The following HCK variants were observed in gnomAD, a reference collection of about 807,000 sequenced individuals.
HCK encodes tyrosine-protein kinase HCK.
In HCK, 40 loss-of-function variants were observed where a neutral mutation model predicts 70.4. That is an observed-to-expected ratio of 0.57 (90% CI 0.44 to 0.74). HCK has a LOEUF of 0.74. HCK is among the 30% of genes least tolerant of loss of function. HCK has a pLI of 0.00. For missense variants in HCK, 568 were observed against 697.2 expected (o/e 0.81, Z 2.09); for synonymous variants, 245 against 263.2 (o/e 0.93, Z 0.67).
intron 1 of HCK, among the ~76,000 whole-genome samples, chr20:32,064,194 G>A (rs2045423333): frequency 6.6e-6 from 1 of 151,694 alleles, no homozygotes; most frequent in African/African-American, 2.4e-5. Flanking sequence ...TAATAGAGAT[G>A]GGGTTTCACC....
At chr20:32,100,937 C>T (rs6089177) in intron 12 of HCK, among the ~76,000 whole-genome samples, 4,068 of 152,320 alleles carry the variant, frequency 0.027, 107 homozygotes, top group Admixed American at 0.079. Context: ...AACTCAGCAG[C>T]TGTCAGGACT....
Position 32,060,486 on chromosome 20 carries a change from G to A in HCK, c.62+8000G>A, listed in dbSNP as rs149203169. Among the ~76,000 whole-genome samples the A allele has an allele frequency of 7.2e-5, 11 of 152,230 alleles. No homozygotes were observed. The East Asian group carries it at 1.5e-3, about 21-fold the overall frequency. ...TCCGCCTGCTGACCTCAGGTGATCC[G>A]CCTGCCTCAGCTTCCCAAAGTGCTG... is the stretch of plus-strand genomic sequence containing the variant. On this transcript the variant is annotated intron_variant, in intron 1 of 12. Transcript: ENST00000375852.
At chr20:32,093,511 G>T (rs1284952794) in intron 10 of HCK, among the ~76,000 whole-genome samples, 1 of 151,902 alleles carries the variant, frequency 6.6e-6, no homozygotes. Flanking sequence ...GTGTGTGTGT[G>T]TGTGTGTGTG....
intron 9 of HCK, among the ~76,000 whole-genome samples, chr20:32,087,892 T>C (rs190883557): frequency 1.3e-5 from 2 of 152,240 alleles, no homozygotes; most frequent in Non-Finnish European, 1.5e-5. Flanking sequence ...TCCGCCCGCC[T>C]CAGCCTCCCA....
intron 5 of HCK, 70 bp downstream of exon 5, chr20:32,074,791 G>A (rs752161765): frequency 1.9e-4 from 199 of 1,036,676 alleles, no homozygotes; most frequent in Non-Finnish European, 2.5e-4. Context: ...AACTCAGGAC[G>A]TCTGCACACA....
chr20:32,083,488 T>A (rs1017303074), intron 6 of HCK, among the ~76,000 whole-genome samples: 2 of 152,162 alleles, frequency 1.3e-5, no homozygotes, highest in African/African-American at 4.8e-5. Context: ...GTAGGGTAGA[T>A]GATAGAAAGA....
At chr20:32,098,549 G>A (rs2045988496) in intron 11 of HCK, among the ~76,000 whole-genome samples, 1 of 152,160 alleles carries the variant, frequency 6.6e-6, no homozygotes, top group Non-Finnish European at 1.5e-5. Context: ...GGAAGGGCGG[G>A]TAAAGGGAGA....
chr20:32,092,594 G>C (rs190989184), intron 10 of HCK, among the ~76,000 whole-genome samples: 10 of 152,002 alleles, frequency 6.6e-5, no homozygotes, highest in Non-Finnish European at 1.3e-4. Flanking sequence ...GCTCCTGCTC[G>C]AAGGCCTCTA....
At chr20:32,072,068 G>A (rs2045549143) in intron 2 of HCK, 3 of 426,526 alleles carry the variant, frequency 7.0e-6, no homozygotes, top group East Asian at 3.8e-5. Context: ...CTGGGCAGAA[G>A]CAAAAGCAGT....
chr20:32,074,837 T>C, intron 5 of HCK, 116 bp downstream of exon 5: 1 of 714,008 alleles, frequency 1.4e-6, no homozygotes, highest in Non-Finnish European at 2.5e-6. Flanking sequence ...TTCCCAGGGC[T>C]CTGGGCTTGG....
chr20:32,063,643 A>G (rs2045412571), intron 1 of HCK, among the ~76,000 whole-genome samples: 2 of 152,054 alleles, frequency 1.3e-5, no homozygotes, highest in Admixed American at 6.6e-5. Context: ...TAGGTCTAGT[A>G]CCATCTTACC....
chr20:32,094,704 G>GAAAGAAAGA (rs1569009317), intron 11 of HCK, among the ~76,000 whole-genome samples: 1 of 48,868 alleles, frequency 2.0e-5, no homozygotes, highest in Non-Finnish European at 3.6e-5. Flanking sequence ...GAAAAGAAAA[G>GAAAGAAAGA]AAAAGAAAGA....
intron 4 of HCK, 38 bp downstream of exon 4, chr20:32,073,856 C>G: frequency 8.3e-7 from 1 of 1,201,930 alleles, no homozygotes; most frequent in Non-Finnish European, 1.2e-6. Context: ...ACAGACCTGC[C>G]TCCTCTACTC....
At chr20:32,060,216 T>A (rs1239149167) in intron 1 of HCK, among the ~76,000 whole-genome samples, 1 of 152,054 alleles carries the variant, frequency 6.6e-6, no homozygotes, top group African/African-American at 2.4e-5. Flanking sequence ...TTGGTTTTCT[T>A]TTTGTTTGTT....
At chr20:32,058,544 A>G (rs866079392) in intron 1 of HCK, among the ~76,000 whole-genome samples, 37 of 147,178 alleles carry the variant, frequency 2.5e-4, no homozygotes, top group African/African-American at 7.3e-4. Context: ...AAAAAAAAAA[A>G]GGGGGAGAAC....
chr20:32,069,566 C>T (rs1034759364), intron 1 of HCK: 1 of 373,756 alleles, frequency 2.7e-6, no homozygotes, highest in Non-Finnish European at 5.3e-6. Flanking sequence ...AAGAGAGATG[C>T]TGGTTTCAGT....
In HCK at chr20:32,073,830, TC is replaced by T; in HGVS notation, c.329+15del. ...GTGGTCCTAGAGGAGTGAGTCCCCA[TC>T]CCACTCCCCCTAAGACAGACCTGCC... On this transcript the variant is annotated intron_variant, in intron 4 of 12. Coordinates refer to ENST00000375852, the MANE Select transcript of HCK (RefSeq NM_002110.5). The T allele has an allele frequency of 6.8e-7, 1 of 1,480,188 alleles. No individual in the cohort carries two copies. Among genetic ancestry groups the T allele is most frequent in the Non-Finnish European group, 9.2e-7 (1 of 1,081,468 alleles). 91.7% of individuals were successfully genotyped at this position (1,480,188 alleles called of 1,614,324 possible).
intron 1 of HCK, among the ~76,000 whole-genome samples, chr20:32,059,393 T>C (rs933535675): frequency 4.8e-5 from 7 of 145,438 alleles, no homozygotes; most frequent in Admixed American, 2.8e-4. Context: ...TCTTCTTCTC[T>C]TCCTTCCTTT....
intron 6 of HCK, among the ~76,000 whole-genome samples, chr20:32,082,618 G>A (rs577195710): frequency 2.0e-5 from 3 of 152,228 alleles, no homozygotes; most frequent in African/African-American, 7.2e-5. Context: ...CTCCAGCCTG[G>A]ATGACACAGC....
Sources: allele counts gnomAD v4.1 joint callset (sites outside exome capture counted in the v4.1 genomes callset), GRCh38; gene constraint gnomAD v4.1.1; transcripts MANE v1.5; gene names NCBI Gene and HGNC (gene_info 2026-07-23, HGNC 2026-07-21).